The following LRRK1 variants were observed in gnomAD, a reference collection of about 807,000 sequenced individuals.
LRRK1 encodes leucine-rich repeat serine/threonine-protein kinase 1.
LRRK1 carries 113 observed loss-of-function variants against 209.1 expected under a neutral mutation model. The ratio of observed to expected loss-of-function variants is 0.54; its 90% CI spans 0.46 to 0.63. The LOEUF is 0.63. Among genes scored for constraint, LRRK1 ranks in the 30% least tolerant of loss-of-function variants. LRRK1 has a pLI of 0.00. For synonymous variants in LRRK1, 1,144 were observed against 1,099.7 expected, an observed-to-expected ratio of 1.04 and a Z score of -0.80; for missense variants, 2,284 against 2,632.2, an observed-to-expected ratio of 0.87 and a Z score of 2.89.
At chr15:100,990,131 A>G (rs1319275682) in intron 6 of LRRK1, among the ~76,000 whole-genome samples, 1 of 152,176 alleles carries the variant, frequency 6.6e-6, no homozygotes, top group Non-Finnish European at 1.5e-5. Context: ...GTTTAGTTTT[A>G]ATTTCCCATT....
chr15:101,027,751 G>A lies in LRRK1; in HGVS notation c.2640G>A (p.Glu880=). The A allele has an allele frequency of 6.2e-7, 1 of 1,604,874 alleles. No homozygotes were observed. The highest frequency in any genetic ancestry group is 8.5e-7 in the Non-Finnish European group (1 of 1,176,030). ...ACAGGCAGCTGGAGCAGCTGGTGGA[G>A]CAGACGCCCGACAACGACATCAAGG... is the stretch of plus-strand genomic sequence containing the variant. ...LTDRQLEQLV[E]QTPDNDIKDY... Residue 880 remains glutamate (E), a synonymous_variant, in exon 19 of 34, where the codon GAG becomes GAA. Transcript: ENST00000388948. This position sits in a 1 kb window ranked among gnomAD's most constrained non-coding sequence, Gnocchi z 5.1.
At chr15:101,058,417 A>C (rs574874099) in intron 29 of LRRK1, among the ~76,000 whole-genome samples, 25 of 152,326 alleles carry the variant, frequency 1.6e-4, no homozygotes, top group Non-Finnish European at 1.5e-5. Flanking sequence ...ATGTGCCTAC[A>C]GTCCTAGCCA....
At chr15:100,992,356 G>T (rs933674379) in intron 6 of LRRK1, among the ~76,000 whole-genome samples, 2 of 151,982 alleles carry the variant, frequency 1.3e-5, no homozygotes, top group African/African-American at 4.8e-5. Flanking sequence ...ATTATATTTT[G>T]GTAGAAAATT....
chr15:100,968,399 A>G (rs2030612273), intron 2 of LRRK1, among the ~76,000 whole-genome samples: 2 of 152,242 alleles, frequency 1.3e-5, no homozygotes, highest in South Asian at 4.1e-4. Flanking sequence ...GTAGTTTTAT[A>G]AGAAACCACC....
chr15:101,006,237 T>G (rs2032944083), intron 6 of LRRK1, among the ~76,000 whole-genome samples: 1 of 152,112 alleles, frequency 6.6e-6, no homozygotes, highest in South Asian at 2.1e-4. Flanking sequence ...ATAGCTAACT[T>G]TAATCTAAAC....
intron 30 of LRRK1, among the ~76,000 whole-genome samples, chr15:101,061,594 T>C: frequency 6.6e-6 from 1 of 152,144 alleles, no homozygotes; most frequent in East Asian, 1.9e-4. Context: ...GTGTTTCCCA[T>C]AACACTGCTA....
rs2041987370 is a variant in LRRK1 at position 100,919,788 on chromosome 15, C to T, written c.-123+337C>T. ...GGGCAGGGTCGGGAAAGCTGGGAAGCGGAGGCAAGAGACACGAGTCGGGAG... is the reference window on the plus strand; with the variant it reads ...GGGCAGGGTCGGGAAAGCTGGGAAGTGGAGGCAAGAGACACGAGTCGGGAG... On this transcript the variant is annotated intron_variant, in intron 1 of 33. Transcript: ENST00000388948. The surrounding 1 kb of genome is among the most constrained non-coding windows in gnomAD (Gnocchi z 5.8). Among the ~76,000 whole-genome samples, 1 of 152,028 alleles carries T rather than the reference C, an allele frequency of 6.6e-6. No individual in the cohort carries two copies. The highest frequency in any genetic ancestry group is 2.4e-5 in the African/African-American group (1 of 41,396).
At chr15:101,020,389 T>C (rs980981594) in intron 12 of LRRK1, among the ~76,000 whole-genome samples, 2 of 150,052 alleles carry the variant, frequency 1.3e-5, no homozygotes, top group Non-Finnish European at 1.5e-5. Flanking sequence ...TTTTTTTTTT[T>C]TTTGAGATGG....
intron 2 of LRRK1, among the ~76,000 whole-genome samples, chr15:100,956,455 C>CTTTTTTTTTTCTTTTTTT (rs2042762776): frequency 5.0e-5 from 3 of 60,530 alleles, no homozygotes; most frequent in African/African-American, 1.7e-4. Flanking sequence ...TTTTTTTTTT[C>CTTTTTTTTTTCTTTTTTT]TTTTTTTTTT....
intron 2 of LRRK1, among the ~76,000 whole-genome samples, chr15:100,959,210 C>T (rs932721058): frequency 2.6e-5 from 4 of 152,136 alleles, no homozygotes; most frequent in Admixed American, 6.5e-5. Context: ...AAATTATAGA[C>T]GACCCCCTTA....
rs761403767 is a variant in LRRK1, at chr15:101,027,306, G to C, written c.2451G>C (p.Gln817His). 15 of 1,614,118 alleles carry C rather than the reference G, an allele frequency of 9.3e-6. No homozygotes were observed. Among genetic ancestry groups the C allele is most frequent in the Non-Finnish European group, 1.2e-5 (14 of 1,180,028 alleles). The change falls in exon 18 of 34, where the codon CAG (glutamine) becomes CAC (histidine). Residue 817 changes from glutamine (Q) to histidine (H), a missense_variant. Coordinates refer to ENST00000388948, the MANE Select transcript of LRRK1 (RefSeq NM_024652.6). This position sits in a 1 kb window ranked among gnomAD's most constrained non-coding sequence, Gnocchi z 5.1. ...TGGAAGGTCAGGAAGGGCTGCGACA[G>C]CTGATTTTCCACGTCACGTGCAGCA... ...KSLEGQEGLRQLIFHVTCSMK... is the reference protein window; with the variant it reads ...KSLEGQEGLRHLIFHVTCSMK...
chr15:100,996,038 T>C (rs750237864), intron 6 of LRRK1, among the ~76,000 whole-genome samples: 3 of 152,228 alleles, frequency 2.0e-5, no homozygotes, highest in South Asian at 2.1e-4. Flanking sequence ...GGCGTTTTAC[T>C]GGGGCCATGC....
At chr15:100,933,907 T>G (rs945689273) in intron 2 of LRRK1, among the ~76,000 whole-genome samples, 1 of 147,704 alleles carries the variant, frequency 6.8e-6, no homozygotes, top group African/African-American at 2.5e-5. Context: ...ATTTTGGAAC[T>G]CAGTCTTAAT....
At chr15:101,021,511 G>A (rs1223579799) in intron 13 of LRRK1, among the ~76,000 whole-genome samples, 3 of 152,132 alleles carry the variant, frequency 2.0e-5, no homozygotes, top group Non-Finnish European at 4.4e-5. Context: ...TGATGAGAGT[G>A]TAAAATGTTA....
At chr15:100,949,373 T>C (rs2042602292) in intron 2 of LRRK1, among the ~76,000 whole-genome samples, 1 of 152,094 alleles carries the variant, frequency 6.6e-6, no homozygotes. Flanking sequence ...GAGACTGAAT[T>C]AGTAATAAAT....
At chr15:100,961,458 T>G (rs1023979098) in intron 2 of LRRK1, among the ~76,000 whole-genome samples, 8 of 152,084 alleles carry the variant, frequency 5.3e-5, no homozygotes, top group Admixed American at 2.6e-4. Context: ...ATCAAGACCA[T>G]ACTGGCCAAC....
chr15:100,932,780 A>G (rs2042234421), intron 2 of LRRK1, among the ~76,000 whole-genome samples: 1 of 152,224 alleles, frequency 6.6e-6, no homozygotes, highest in East Asian at 1.9e-4. Context: ...CCGTTGAAAC[A>G]GTGCCTGTTG....
intron 2 of LRRK1, among the ~76,000 whole-genome samples, chr15:100,956,455 C>CTTTTT (rs776326423): frequency 1.5e-4 from 9 of 60,504 alleles, no homozygotes; most frequent in East Asian, 4.7e-4. Context: ...TTTTTTTTTT[C>CTTTTT]TTTTTTTTTT....
Position 100,987,669 on chromosome 15 carries a change from G to A in LRRK1, c.434-965G>A, listed in dbSNP as rs180928969. ...TCATGAGTTAGGGTTTATTGATCCAGGCACTTGACATGCATTTTGTGATGT... is the reference window on the plus strand; with the variant it reads ...TCATGAGTTAGGGTTTATTGATCCAAGCACTTGACATGCATTTTGTGATGT... On this transcript the variant is annotated intron_variant, in intron 4 of 33. Transcript: ENST00000388948. Among the ~76,000 whole-genome samples, 1,195 of 152,196 alleles carry A rather than the reference G, an allele frequency of 7.9e-3. 17 individuals carry two copies. Among genetic ancestry groups the A allele is most frequent in the African/African-American group, 0.028 (1,148 of 41,530 alleles).
Sources: gnomAD v4.1 joint callset for allele counts (sites outside exome capture counted in the v4.1 genomes callset) on GRCh38, gnomAD v4.1.1 for gene constraint, Gnocchi (gnomAD v3.1) non-coding constraint, MANE v1.5 for transcripts, NCBI Gene and HGNC (gene_info 2026-07-23, HGNC 2026-07-21) for gene names.